Variants in SOX6 observed in about 807,000 individuals in gnomAD.
SOX6 encodes the protein SRY-box transcription factor 6, also known as transcription factor SOX-6.
Under a neutral mutation model 97.8 loss-of-function variants are expected in SOX6, and 11 were observed. That is an observed-to-expected ratio of 0.11 (90% CI 0.07 to 0.19). The LOEUF (loss-of-function observed/expected upper bound fraction) is 0.19. Ranked by LOEUF, SOX6 falls within the 10% of genes least tolerant of loss-of-function variation. The pLI is 1.00. For synonymous variants in SOX6, 360 were observed against 371.4 expected (o/e 0.97, Z 0.35); for missense variants, 810 against 1,039.5 (o/e 0.78, Z 3.04).
Position 16,080,933 on chromosome 11 carries a change from A to T in SOX6, c.1101+15063T>A, listed in dbSNP as rs537383735. On this transcript the variant is annotated intron_variant, in intron 9 of 15. Coordinates refer to ENST00000683767, the MANE Select transcript of SOX6 (RefSeq NM_001367873.1). ...GAGACCCTGTCTCTAAGACTTTTTT[A>T]AAAAAATTAGTCAGGCATGGTGACT... 2.4e-3 allele frequency among the ~76,000 whole-genome samples: 366 copies of T among 152,004 alleles called. 1 individual carries two copies. The highest frequency in any genetic ancestry group is 7.9e-3 in the African/African-American group (327 of 41,470).
chr11:16,273,060 T>C (rs908670707), intron 3 of SOX6, among the ~76,000 whole-genome samples: 1 of 151,912 alleles, frequency 6.6e-6, no homozygotes, highest in East Asian at 1.9e-4. Flanking sequence ...TTTCTGATTA[T>C]GAAGGCAAAT....
intron 2 of SOX6, among the ~76,000 whole-genome samples, chr11:16,320,180 A>G (rs935159315): frequency 1.3e-5 from 2 of 152,098 alleles, no homozygotes; most frequent in African/African-American, 4.8e-5. Flanking sequence ...CTCTCTCCCT[A>G]TATTTATATA....
intron 4 of SOX6, among the ~76,000 whole-genome samples, chr11:16,204,083 G>A (rs1852008591): frequency 6.6e-6 from 1 of 150,988 alleles, no homozygotes; most frequent in African/African-American, 2.4e-5. Context: ...ACATCATATT[G>A]TACACAAGAG....
chr11:16,006,699 T>G (rs1854565361), intron 13 of SOX6, among the ~76,000 whole-genome samples: 1 of 152,088 alleles, frequency 6.6e-6, no homozygotes, highest in Non-Finnish European at 1.5e-5. Flanking sequence ...TCTTTAACGA[T>G]GTACTTGAAC....
rs1310224209 is a variant in SOX6 at position 15,967,350 on chromosome 11, C to T, written c.*5459G>A. 2 of 152,224 alleles carry T rather than the reference C, an allele frequency of 1.3e-5. No homozygotes were observed. The highest frequency in any genetic ancestry group is 4.8e-5 in the African/African-American group (2 of 41,450). The allele number at this position is 152,224 out of a possible 1,614,324, so 9.4% of individuals were successfully genotyped here. On this transcript the variant is annotated 3_prime_UTR_variant, in exon 16 of 16. Coordinates refer to ENST00000683767, the MANE Select transcript of SOX6 (RefSeq NM_001367873.1). ...CCAACAGCCCTACACAAACTTTACACTTTGAAACAGCAGCCAGCATGTCAG... is the reference window on the plus strand; with the variant it reads ...CCAACAGCCCTACACAAACTTTACATTTTGAAACAGCAGCCAGCATGTCAG...
intron 4 of SOX6, among the ~76,000 whole-genome samples, chr11:16,197,914 T>G (rs1345560752): frequency 6.6e-6 from 1 of 152,194 alleles, no homozygotes; most frequent in East Asian, 1.9e-4. Context: ...AAATTAAAAG[T>G]TAATATACAT....
intron 1 of SOX6, among the ~76,000 whole-genome samples, chr11:16,366,717 T>C (rs1373944187): frequency 2.0e-5 from 3 of 152,176 alleles, no homozygotes; most frequent in East Asian, 3.9e-4. Context: ...TGTTTAACAC[T>C]GAAGCATTTC....
At chr11:16,053,862 T>C (rs906579541) in intron 10 of SOX6, among the ~76,000 whole-genome samples, 5 of 152,270 alleles carry the variant, frequency 3.3e-5, no homozygotes, top group African/African-American at 1.2e-4. Flanking sequence ...TTCTTTAAAT[T>C]AGCAAACTTT....
chr11:16,170,006 A>T (rs918427633), intron 6 of SOX6, among the ~76,000 whole-genome samples: 4 of 151,974 alleles, frequency 2.6e-5, no homozygotes, highest in African/African-American at 9.7e-5. Context: ...CATCGTGAGT[A>T]ATTAGCCTTT....
At chr11:16,139,911 T>A (rs555980427) in intron 6 of SOX6, among the ~76,000 whole-genome samples, 14 of 149,216 alleles carry the variant, frequency 9.4e-5, no homozygotes, top group African/African-American at 3.4e-4. Context: ...CATTTCATAT[T>A]TGTAACTCTT....
In SOX6 at chr11:15,982,673, G is replaced by GA. The variant is rs566858772; in HGVS notation, c.2183+3530dup. Among the ~76,000 whole-genome samples the GA allele has an allele frequency of 3.3e-5, 5 of 150,618 alleles. No individual in the cohort carries two copies. The East Asian group carries it at 5.8e-4, about 18-fold the overall frequency. On this transcript the variant is annotated intron_variant, in intron 15 of 15. Transcript: ENST00000683767. ...TGAATTGTTTAGGAAATAAACGCAA[G>GA]AAAAAAAAAGTCTGTAGATGTTCCA...
intron 3 of SOX6, among the ~76,000 whole-genome samples, chr11:16,288,594 C>T (rs1169591395): frequency 6.6e-6 from 1 of 151,778 alleles, no homozygotes; most frequent in Non-Finnish European, 1.5e-5. Context: ...ATTTTAGAGC[C>T]CAGTCATTCA....
chr11:16,718,633 C>G (rs1590063286), intron 2 of SOX6, among the ~76,000 whole-genome samples: 1 of 152,096 alleles, frequency 6.6e-6, no homozygotes, highest in East Asian at 1.9e-4. Flanking sequence ...ACACTGTATT[C>G]CAAGGTCTTA....
chr11:16,082,742 T>C (rs1205251132), intron 9 of SOX6, among the ~76,000 whole-genome samples: 1 of 152,172 alleles, frequency 6.6e-6, no homozygotes, highest in East Asian at 1.9e-4. Flanking sequence ...TTAAGAGGAA[T>C]ATCACACCAT....
At chr11:16,447,125 A>G (rs558925304) in intron 1 of SOX6, among the ~76,000 whole-genome samples, 1 of 152,152 alleles carries the variant, frequency 6.6e-6, no homozygotes, top group South Asian at 2.1e-4. Context: ...TTTATTAAAA[A>G]TATGCAACAA....
intron 6 of SOX6, among the ~76,000 whole-genome samples, chr11:16,132,054 A>T (rs1221465632): frequency 1.3e-5 from 2 of 151,690 alleles, no homozygotes; most frequent in Non-Finnish European, 2.9e-5. Context: ...GCAGGAAAAA[A>T]ATTGTCCTAT....
At chr11:16,447,743 A>G (rs993850515) in intron 1 of SOX6, among the ~76,000 whole-genome samples, 1 of 152,214 alleles carries the variant, frequency 6.6e-6, no homozygotes, top group Non-Finnish European at 1.5e-5. Context: ...AAATTTGCTT[A>G]CTTTAATGCA....
chr11:16,537,015 C>A (rs960336890), intron 4 of SOX6, among the ~76,000 whole-genome samples: 3 of 152,196 alleles, frequency 2.0e-5, no homozygotes, highest in Non-Finnish European at 2.9e-5. Context: ...GAGTCACTGA[C>A]CCCCATGTAG....
chr11:16,499,642 C>T (rs532383963), intron 4 of SOX6, among the ~76,000 whole-genome samples: 1 of 152,276 alleles, frequency 6.6e-6, no homozygotes, highest in East Asian at 1.9e-4. Context: ...CCACCGATCC[C>T]ACAGAAATAC....
Sources: gnomAD v4.1 joint callset for allele counts (sites outside exome capture counted in the v4.1 genomes callset) on GRCh38, gnomAD v4.1.1 for gene constraint, MANE v1.5 for transcripts, NCBI Gene and HGNC (gene_info 2026-07-23, HGNC 2026-07-21) for gene names.